NAV2: variants seen among roughly 807,000 people sequenced by gnomAD.
The protein encoded by NAV2 is neuron navigator 2.
Under a neutral mutation model 223.2 loss-of-function variants are expected in NAV2, and 54 were observed. That is an observed-to-expected ratio of 0.24 (90% CI 0.19 to 0.30). NAV2 has a LOEUF of 0.30. Ranked by LOEUF, NAV2 falls within the 10% of genes least tolerant of loss-of-function variation. The pLI is 1.00. For synonymous variants in NAV2, 1,279 were observed against 1,239.3 expected, an observed-to-expected ratio of 1.03 and a Z score of -0.67; for missense variants, 2,806 against 3,147.5, an observed-to-expected ratio of 0.89 and a Z score of 2.60.
chr11:19,395,682 C>G (rs1048040470), intron 1 of NAV2, among the ~76,000 whole-genome samples: 1 of 152,194 alleles, frequency 6.6e-6, no homozygotes, highest in Non-Finnish European at 1.5e-5. Context: ...CTCTTGGGAG[C>G]AAACCAAGCA....
At chr11:19,451,437 CT>C (rs1267444221) in intron 1 of NAV2, among the ~76,000 whole-genome samples, 1 of 152,214 alleles carries the variant, frequency 6.6e-6, no homozygotes, top group African/African-American at 2.4e-5. Context: ...TCTCTCCTTC[CT>C]TCCCTGCATC....
At chr11:19,752,728 T>A (rs568357273) in intron 1 of NAV2, among the ~76,000 whole-genome samples, 1 of 152,314 alleles carries the variant, frequency 6.6e-6, no homozygotes, top group Non-Finnish European at 1.5e-5. Flanking sequence ...AGGAATGTTG[T>A]TTCCAGTTGT....
chr11:19,617,518 T>G (rs2046835158), intron 1 of NAV2, among the ~76,000 whole-genome samples: 1 of 152,158 alleles, frequency 6.6e-6, no homozygotes, highest in Non-Finnish European at 1.5e-5. Flanking sequence ...TCAAGGGACT[T>G]CCACTCTCAT....
At chr11:19,947,176 C>A (rs1410309607) in intron 9 of NAV2, among the ~76,000 whole-genome samples, 1 of 152,182 alleles carries the variant, frequency 6.6e-6, no homozygotes, top group East Asian at 1.9e-4. Flanking sequence ...ATTTCAGTTT[C>A]TTTGATAAGT....
At chr11:19,791,669 C>T (rs907605934) in intron 1 of NAV2, among the ~76,000 whole-genome samples, 2 of 152,028 alleles carry the variant, frequency 1.3e-5, no homozygotes, top group Non-Finnish European at 2.9e-5. Context: ...TGGGGCAAGC[C>T]GAGTGTTTGG....
At chr11:19,925,543 G>A (rs7117201) in intron 6 of NAV2, among the ~76,000 whole-genome samples, 82,345 of 151,922 alleles carry the variant, frequency 0.54, 23,107 homozygotes, top group East Asian at 0.65. Context: ...GAGGTCAGGG[G>A]TTCGAGACCA....
chr11:19,514,797 C>T (rs2043391677), intron 1 of NAV2, among the ~76,000 whole-genome samples: 1 of 151,260 alleles, frequency 6.6e-6, no homozygotes, highest in African/African-American at 2.4e-5. Flanking sequence ...AAGCTTTGGA[C>T]TCATGAGTTG....
At chr11:19,367,414 C>T (rs1848323185) in intron 1 of NAV2, among the ~76,000 whole-genome samples, 1 of 152,176 alleles carries the variant, frequency 6.6e-6, no homozygotes, top group Non-Finnish European at 1.5e-5. Flanking sequence ...ATGAGCTTTT[C>T]AAGAATTCAA....
chr11:19,891,518 T>C (rs1001248697), intron 5 of NAV2, among the ~76,000 whole-genome samples: 2 of 151,988 alleles, frequency 1.3e-5, no homozygotes, highest in Admixed American at 1.3e-4. Flanking sequence ...AAAGGGAGAG[T>C]GTGTGTTTGT....
intron 1 of NAV2, among the ~76,000 whole-genome samples, chr11:19,716,084 G>T (rs922091938): frequency 6.6e-5 from 10 of 152,128 alleles, no homozygotes; most frequent in Admixed American, 2.0e-4. Flanking sequence ...CTTGGTTATG[G>T]CATGAGGACT....
chr11:20,070,853 A>C (rs1591976601), intron 22 of NAV2, among the ~76,000 whole-genome samples: 1 of 152,178 alleles, frequency 6.6e-6, no homozygotes, highest in African/African-American at 2.4e-5. Context: ...CCTTTTGTTT[A>C]GCAGAAAAAT....
At chr11:19,648,159 CAATT>C (rs1323789030) in intron 1 of NAV2, among the ~76,000 whole-genome samples, 1 of 152,098 alleles carries the variant, frequency 6.6e-6, no homozygotes, top group Non-Finnish European at 1.5e-5. Context: ...TATAATCTAA[CAATT>C]AAAACAGTAT....
chr11:19,954,913 A>T (rs182732883), intron 10 of NAV2, among the ~76,000 whole-genome samples: 1 of 87,100 alleles, frequency 1.1e-5, no homozygotes, highest in Non-Finnish European at 3.1e-5. Flanking sequence ...ATGTGTATAT[A>T]TGTGTGTGTG....
chr11:19,950,210 A>G (rs2047268686), intron 10 of NAV2, among the ~76,000 whole-genome samples: 3 of 152,378 alleles, frequency 2.0e-5, no homozygotes, highest in African/African-American at 7.2e-5. Flanking sequence ...ACTCATTTCC[A>G]TGAAAATAAT....
At chr11:19,967,420 T>C (rs902821314) in intron 10 of NAV2, among the ~76,000 whole-genome samples, 1 of 151,922 alleles carries the variant, frequency 6.6e-6, no homozygotes, top group African/African-American at 2.4e-5. Context: ...TAGGAACAGG[T>C]AACAAGGTGC....
At chr11:19,935,830 CTTTTG>C (rs2153276739) in intron 7 of NAV2, among the ~76,000 whole-genome samples, 1 of 106,668 alleles carries the variant, frequency 9.4e-6, no homozygotes, top group African/African-American at 3.2e-5. Context: ...ACATACACGG[CTTTTG>C]TTTTGTTTTG....
intron 1 of NAV2, among the ~76,000 whole-genome samples, chr11:19,565,200 T>C (rs1456663664): frequency 6.6e-6 from 1 of 152,136 alleles, no homozygotes; most frequent in East Asian, 1.9e-4. Flanking sequence ...GTTGCCGGGA[T>C]CCATCGCTGT....
intron 1 of NAV2, among the ~76,000 whole-genome samples, chr11:19,691,456 C>T (rs1024866333): frequency 4.3e-4 from 65 of 152,186 alleles, no homozygotes; most frequent in African/African-American, 1.2e-3. Context: ...TGCCACGTTT[C>T]AAGTCCGCAG....
intron 1 of NAV2, chr11:19,507,289 G>A (rs978514666): frequency 2.6e-5 from 4 of 152,160 alleles, no homozygotes; most frequent in African/African-American, 9.7e-5. Flanking sequence ...TGACTGGCAG[G>A]GCCAGCTGTT....
Sources: gnomAD v4.1 joint callset for allele counts (sites outside exome capture counted in the v4.1 genomes callset) on GRCh38, gnomAD v4.1.1 for gene constraint, MANE v1.5 for transcripts, NCBI Gene and HGNC (gene_info 2026-07-23, HGNC 2026-07-21) for gene names.